The following ANK3 variants were observed in gnomAD, a reference collection of about 807,000 sequenced individuals.
The protein encoded by ANK3 is ankyrin-3.
ANK3 carries 57 observed loss-of-function variants against 370.9 expected under a neutral mutation model. That is an observed-to-expected ratio of 0.15 (90% CI 0.12 to 0.19). ANK3 has a LOEUF of 0.19. ANK3 is among the 10% of genes least tolerant of loss of function. The pLI, the probability that ANK3 is intolerant of heterozygous loss-of-function variation, is 1.00. For synonymous variants in ANK3, 1,929 were observed against 1,946.3 expected (o/e 0.99, Z 0.23); for missense variants, 4,439 against 5,302.1 (o/e 0.84, Z 5.06).
intron 23 of ANK3, among the ~76,000 whole-genome samples, chr10:60,141,550 T>C (rs2094554817): frequency 6.9e-6 from 1 of 145,144 alleles, no homozygotes; most frequent in Non-Finnish European, 1.5e-5. Context: ...GGAGAGGCCA[T>C]TTCAATTGCT....
chr10:60,340,389 C>G (rs1165424662), intron 1 of ANK3, among the ~76,000 whole-genome samples: 1 of 151,990 alleles, frequency 6.6e-6, no homozygotes, highest in Non-Finnish European at 1.5e-5. Context: ...TGTATATATC[C>G]AGGGCCAGCT....
chr10:60,061,729 T>C (rs1187833360), intron 40 of ANK3, among the ~76,000 whole-genome samples: 2 of 149,120 alleles, frequency 1.3e-5, no homozygotes, highest in East Asian at 3.9e-4. Context: ...AAATCTTTTG[T>C]TGACTTAAAC....
chr10:60,244,993 C>A (rs1003232177), intron 7 of ANK3, among the ~76,000 whole-genome samples: 2 of 152,036 alleles, frequency 1.3e-5, no homozygotes, highest in African/African-American at 2.4e-5. Context: ...CACGGTGAAA[C>A]CCCGTCTCTA....
chr10:60,233,351 C>G (rs948806608), intron 8 of ANK3, among the ~76,000 whole-genome samples: 5 of 152,106 alleles, frequency 3.3e-5, no homozygotes, highest in Non-Finnish European at 7.4e-5. Context: ...GGTTTTTTCC[C>G]CTACCCACAA....
At chr10:60,440,541 C>T (rs1013421623) in intron 2 of ANK3, among the ~76,000 whole-genome samples, 1 of 152,184 alleles carries the variant, frequency 6.6e-6, no homozygotes, top group East Asian at 1.9e-4. Context: ...GGAACCACCC[C>T]CATGATCCTC....
intron 16 of ANK3, among the ~76,000 whole-genome samples, chr10:60,193,216 G>A (rs2096526092): frequency 6.6e-6 from 1 of 152,190 alleles, no homozygotes; most frequent in Non-Finnish European, 1.5e-5. Flanking sequence ...CTAATGGAAT[G>A]TTATAAAGAA....
chr10:60,392,621 G>A (rs1053219612), upstream of ANK3, among the ~76,000 whole-genome samples: 9 of 152,218 alleles, frequency 5.9e-5, no homozygotes, highest in African/African-American at 1.9e-4. Flanking sequence ...TGCACGGAAT[G>A]TCAAAGCTAT....
chr10:60,526,400 T>C (rs1468661948), intron 2 of ANK3, among the ~76,000 whole-genome samples: 1 of 152,128 alleles, frequency 6.6e-6, no homozygotes, highest in Non-Finnish European at 1.5e-5. Flanking sequence ...AATATAACAT[T>C]ATCCCTAATA....
chr10:60,366,931 G>A (rs913060996), intron 1 of ANK3, among the ~76,000 whole-genome samples: 1 of 152,008 alleles, frequency 6.6e-6, no homozygotes, highest in South Asian at 2.1e-4. Flanking sequence ...ATGAAAAAAC[G>A]TGCTCTATTA....
chr10:60,447,273 G>A (rs892119462), intron 2 of ANK3, among the ~76,000 whole-genome samples: 3 of 152,132 alleles, frequency 2.0e-5, no homozygotes, highest in Non-Finnish European at 4.4e-5. Flanking sequence ...CACAGCCTGC[G>A]ACAAAGGGGT....
chr10:60,296,632 C>T (rs2042580612), intron 1 of ANK3, among the ~76,000 whole-genome samples: 1 of 152,138 alleles, frequency 6.6e-6, no homozygotes, highest in Non-Finnish European at 1.5e-5. Context: ...TTATTGAATA[C>T]ATATTATATT....
chr10:60,212,830 C>T (rs552567040), intron 9 of ANK3, among the ~76,000 whole-genome samples: 11 of 152,032 alleles, frequency 7.2e-5, no homozygotes, highest in African/African-American at 2.7e-4. Context: ...AATTTATTTG[C>T]AAATATTCTC....
At position 60,549,849 on chromosome 10, in the gene ANK3, G is replaced by A. The variant is rs369228872; in HGVS notation, c.96+65337C>T. Among the ~76,000 whole-genome samples the A allele has an allele frequency of 1.4e-4, 22 of 152,256 alleles. No individual in the cohort carries two copies. In the East Asian group the frequency reaches 3.9e-3, roughly 27 times the overall value. On this transcript the variant is annotated intron_variant, in intron 2 of 43. Coordinates refer to the ANK3 transcript ENST00000373827. Reference sequence around the variant, plus strand: ...GTTCTGTGAAATGGCTTTAATGCATGATGGACTATTGATTGAAAGTTGTGA... The same window carrying A: ...GTTCTGTGAAATGGCTTTAATGCATAATGGACTATTGATTGAAAGTTGTGA...
At chr10:60,165,180 A>G (rs187794014) in intron 23 of ANK3, among the ~76,000 whole-genome samples, 1 of 152,292 alleles carries the variant, frequency 6.6e-6, no homozygotes, top group Admixed American at 6.5e-5. Context: ...ATTCCTAATA[A>G]TTTCATTTGA....
intron 2 of ANK3, among the ~76,000 whole-genome samples, chr10:60,472,543 T>C (rs961436222): frequency 5.3e-5 from 8 of 152,222 alleles, no homozygotes; most frequent in Non-Finnish European, 1.0e-4. Context: ...TTTAGTTTTC[T>C]TTTTCAGCTA....
chr10:60,589,739 T>C (rs1402531276), intron 2 of ANK3, among the ~76,000 whole-genome samples: 1 of 152,250 alleles, frequency 6.6e-6, no homozygotes, highest in Non-Finnish European at 1.5e-5. Flanking sequence ...TCAACAATTT[T>C]CATTCTGAAA....
At chr10:60,656,538 T>C (rs1013724832) in intron 1 of ANK3, among the ~76,000 whole-genome samples, 2 of 152,146 alleles carry the variant, frequency 1.3e-5, no homozygotes, top group Non-Finnish European at 2.9e-5. Context: ...TTTCCTTCCC[T>C]CTGGTTGCTT....
At position 60,615,034 on chromosome 10, in the gene ANK3, T is replaced by C. The variant is rs568144948; in HGVS notation, c.96+152A>G. 1.2e-4 allele frequency among the ~76,000 whole-genome samples: 18 copies of C among 152,264 alleles called. No individual in the cohort carries two copies. The South Asian group carries it at 3.3e-3, about 28-fold the overall frequency. On this transcript the variant is annotated intron_variant, in intron 2 of 43. Transcript: ENST00000373827. ...TAAAAGCCTTCAAATTGTTCTCTAGTTAAATAAAAATAACAACAACAACAA... is the reference window on the plus strand; with the variant it reads ...TAAAAGCCTTCAAATTGTTCTCTAGCTAAATAAAAATAACAACAACAACAA...
chr10:60,450,237 T>C (rs1398295228), intron 2 of ANK3, among the ~76,000 whole-genome samples: 1 of 152,048 alleles, frequency 6.6e-6, no homozygotes, highest in Admixed American at 6.6e-5. Flanking sequence ...GAGGCTGCAG[T>C]GAGTTGGGAT....
Sources: gnomAD v4.1 joint callset for allele counts (sites outside exome capture counted in the v4.1 genomes callset) on GRCh38, gnomAD v4.1.1 for gene constraint, MANE v1.5 for transcripts, NCBI Gene and HGNC (gene_info 2026-07-23, HGNC 2026-07-21) for gene names.